The following CCDC134 variants were observed in gnomAD, a reference collection of about 807,000 sequenced individuals.
CCDC134 encodes the protein coiled-coil domain-containing protein 134.
A neutral mutation model predicts 25.6 loss-of-function variants in CCDC134; 27 were observed. The ratio of observed to expected loss-of-function variants is 1.05; its 90% CI spans 0.78 to 1.45. CCDC134 has a LOEUF of 1.45. Ranked by LOEUF, CCDC134 falls within the 40% of genes most tolerant of loss-of-function variation. CCDC134 has a pLI of 0.00. For synonymous variants in CCDC134, 110 were observed against 115.0 expected, an observed-to-expected ratio of 0.96 and a Z score of 0.28; for missense variants, 261 against 286.7, an observed-to-expected ratio of 0.91 and a Z score of 0.65.
intron 6 of CCDC134, among the ~76,000 whole-genome samples, chr22:41,820,346 C>T (rs1055983761): frequency 7.2e-5 from 11 of 152,004 alleles, no homozygotes; most frequent in Non-Finnish European, 1.3e-4. Flanking sequence ...GTTGCCCAGG[C>T]TGGAGTGCAA....
intron 6 of CCDC134, among the ~76,000 whole-genome samples, chr22:41,814,386 T>C (rs1368963699): frequency 6.6e-6 from 1 of 151,828 alleles, no homozygotes; most frequent in Non-Finnish European, 1.5e-5. Flanking sequence ...GCCAATATGG[T>C]GAAACTCTGT....
rs924484767 is a variant in CCDC134 at position 41,826,606 on chromosome 22, C to T, written c.*783C>T. Among the ~76,000 whole-genome samples, 2 of 152,240 alleles carry T rather than the reference C, an allele frequency of 1.3e-5. No individual in the cohort carries two copies. The highest frequency in any genetic ancestry group is 4.8e-5 in the African/African-American group (2 of 41,466). ...GCAAGCACAGGGAAGTCAGCTTGTTCTCTCTGGCAGCGCTGGAAGACAGTC... is the reference window on the plus strand; with the variant it reads ...GCAAGCACAGGGAAGTCAGCTTGTTTTCTCTGGCAGCGCTGGAAGACAGTC... On this transcript the variant is annotated 3_prime_UTR_variant, in exon 7 of 7. Transcript: ENST00000255784.
In CCDC134 at chr22:41,813,335, T is replaced by A; in HGVS notation, c.382T>A (p.Tyr128Asn). 2 of 1,614,224 alleles carry A rather than the reference T, an allele frequency of 1.2e-6. No individual in the cohort carries two copies. The highest frequency in any genetic ancestry group is 1.7e-6 in the Non-Finnish European group (2 of 1,180,046). Residue 128 changes from tyrosine to asparagine, a missense_variant, in exon 5 of 7, where the codon TAT (tyrosine) becomes AAT (asparagine). By Grantham distance (143) the Tyr-to-Asn change is moderately radical. Transcript: ENST00000255784. ...GCTGCGCTTCCCGAGGATTGTGCAC[T>A]ATTACTTTGACCACAACTCCAACTG... ...VVLRFPRIVHYYFDHNSNWNL... is the reference protein window; with the variant it reads ...VVLRFPRIVHNYFDHNSNWNL...
At chr22:41,810,085 G>A in intron 3 of CCDC134, 85 bp downstream of exon 3, 4 of 1,597,680 alleles carry the variant, frequency 2.5e-6, no homozygotes, top group Non-Finnish European at 2.6e-6. Flanking sequence ...CTAACGGGTT[G>A]GTGTTCAGGG....
intron 6 of CCDC134, among the ~76,000 whole-genome samples, chr22:41,817,897 A>G (rs780702683): frequency 3.3e-5 from 5 of 152,152 alleles, no homozygotes; most frequent in Non-Finnish European, 7.4e-5. Flanking sequence ...CAAGGGTGAT[A>G]CCTTTTAATT....
chr22:41,818,271 G>A (rs1301009594), intron 6 of CCDC134, among the ~76,000 whole-genome samples: 1 of 152,200 alleles, frequency 6.6e-6, no homozygotes, highest in Admixed American at 6.5e-5. Context: ...CTTAATGAGG[G>A]ACCTAGTGCC....
chr22:41,804,544 C>T (rs2076559176), intron 1 of CCDC134, among the ~76,000 whole-genome samples: 1 of 152,090 alleles, frequency 6.6e-6, no homozygotes, highest in East Asian at 1.9e-4. Flanking sequence ...TTACAGTGAT[C>T]ACATAGGAAT....
At chr22:41,815,684 G>A (rs1280998536) in intron 6 of CCDC134, among the ~76,000 whole-genome samples, 2 of 152,000 alleles carry the variant, frequency 1.3e-5, no homozygotes, top group Admixed American at 6.6e-5. Context: ...ACAGGGTCTT[G>A]CTCTGTCACC....
chr22:41,823,296 C>G (rs1345379981), intron 6 of CCDC134, among the ~76,000 whole-genome samples: 1 of 148,486 alleles, frequency 6.7e-6, no homozygotes, highest in East Asian at 2.0e-4. Context: ...ACAATCTCAG[C>G]TCACTGCAAC....
chr22:41,808,694 C>T (rs536492673), intron 1 of CCDC134, among the ~76,000 whole-genome samples, 181 bp from the exon 2 acceptor site: 1 of 152,358 alleles, frequency 6.6e-6, no homozygotes, highest in Non-Finnish European at 1.5e-5. Context: ...CATCCCACGG[C>T]TCTGTATTGT....
chr22:41,807,930 G>A (rs924655752), intron 1 of CCDC134, among the ~76,000 whole-genome samples: 7 of 152,136 alleles, frequency 4.6e-5, no homozygotes, highest in African/African-American at 1.7e-4. Context: ...GGAGGACAAG[G>A]CAGGCGGATC....
chr22:41,822,743 A>G (rs1362004671), intron 6 of CCDC134, among the ~76,000 whole-genome samples: 1 of 152,166 alleles, frequency 6.6e-6, no homozygotes. Flanking sequence ...CCCCGTCTTA[A>G]GTGGATCAGG....
intron 1 of CCDC134, among the ~76,000 whole-genome samples, chr22:41,805,513 A>G (rs74705753): frequency 0.042 from 6,379 of 152,348 alleles, 205 homozygotes; most frequent in South Asian, 0.084. Context: ...AAATGTTTCC[A>G]CCTCTCTTTA....
chr22:41,810,111 A>G lies in CCDC134; in HGVS notation c.226-96A>G, dbSNP rs1195898583. On this transcript the variant is annotated intron_variant, in intron 3 of 6. Coordinates refer to ENST00000255784, the MANE Select transcript of CCDC134 (RefSeq NM_024821.5). The stretch of plus-strand genomic sequence containing the variant: ...GTGTTCAGGGACAGGGGAACTGCGC[A>G]CACGTAAGACTTGAAGTGGGGTTTA... The G allele has an allele frequency of 2.5e-6, 4 of 1,590,876 alleles. No homozygotes were observed. In the South Asian group the frequency reaches 3.3e-5, roughly 13 times the overall value.
chr22:41,802,424 C>A (rs2076547991), intron 1 of CCDC134, among the ~76,000 whole-genome samples: 1 of 152,034 alleles, frequency 6.6e-6, no homozygotes, highest in Admixed American at 6.6e-5. Flanking sequence ...AGTGTCAAAA[C>A]CCTTGTAGTG....
At chr22:41,822,089 A>G (rs1217483153) in intron 6 of CCDC134, among the ~76,000 whole-genome samples, 18 of 152,116 alleles carry the variant, frequency 1.2e-4, no homozygotes, top group Admixed American at 1.2e-3. Context: ...GGCGGTGGCC[A>G]GAGTGGCATG....
intron 1 of CCDC134, among the ~76,000 whole-genome samples, chr22:41,807,126 C>A (rs1431118998): frequency 1.3e-5 from 2 of 152,104 alleles, no homozygotes; most frequent in Admixed American, 6.6e-5. Flanking sequence ...GAGAAATTTC[C>A]TGGTTAAATG....
chr22:41,806,539 G>A (rs545640244), intron 1 of CCDC134, among the ~76,000 whole-genome samples: 1 of 151,970 alleles, frequency 6.6e-6, no homozygotes, highest in East Asian at 1.9e-4. Flanking sequence ...AAAATCTAAT[G>A]GAAGTTCATT....
In CCDC134 at chr22:41,817,730, TTAAATAAA is replaced by T. The variant is rs139570; in HGVS notation, c.564+3941_564+3948del. On this transcript the variant is annotated intron_variant, in intron 6 of 6. Coordinates refer to ENST00000255784, the MANE Select transcript of CCDC134 (RefSeq NM_024821.5). The stretch of plus-strand genomic sequence containing the variant: ...CTGGGCAACAGAGCAAGACTCTGTC[TTAAATAAA>T]TAAATAAATAAATAAATAAATAAAT... 8.6e-3 allele frequency among the ~76,000 whole-genome samples: 1,222 copies of T among 141,764 alleles called. 10 individuals carry two copies. The highest frequency in any genetic ancestry group is 0.028 in the African/African-American group (1,071 of 37,644). The allele number at this position is 141,764 out of a possible 152,430, so 93.0% of individuals were successfully genotyped here. A position where few individuals can be genotyped will look rare whatever the true frequency, so the allele number is the denominator to read the frequency against.
Sources: allele counts gnomAD v4.1 joint callset (sites outside exome capture counted in the v4.1 genomes callset), GRCh38; gene constraint gnomAD v4.1.1; transcripts MANE v1.5; gene names NCBI Gene and HGNC (gene_info 2026-07-23, HGNC 2026-07-21).